The following CNBD1 variants were observed in gnomAD, a reference collection of about 807,000 sequenced individuals.
CNBD1 encodes cyclic nucleotide binding domain containing 1, also known as cyclic nucleotide-binding domain-containing protein 1.
In CNBD1, 71 loss-of-function variants were observed where a neutral mutation model predicts 54.4. The ratio of observed to expected loss-of-function variants is 1.30; its 90% CI spans 1.08 to 1.59. The LOEUF is 1.59. Ranked by LOEUF, CNBD1 falls within the 40% of genes most tolerant of loss-of-function variation. The pLI is 0.00. For missense variants in CNBD1, 659 were observed against 518.0 expected, an observed-to-expected ratio of 1.27 and a Z score of -2.64; for synonymous variants, 182 against 170.7, an observed-to-expected ratio of 1.07 and a Z score of -0.51.
chr8:87,239,099 G>A (rs946268488), intron 6 of CNBD1, among the ~76,000 whole-genome samples: 1 of 152,100 alleles, frequency 6.6e-6, no homozygotes, highest in Admixed American at 6.5e-5. Context: ...CTGGCTGGCA[G>A]GCAGTTAAGC....
chr8:87,385,515 C>T (rs1811164726), downstream of CNBD1, among the ~76,000 whole-genome samples: 1 of 152,048 alleles, frequency 6.6e-6, no homozygotes, highest in African/African-American at 2.4e-5. Context: ...GATCCTTGCT[C>T]ATTGCTAGCA....
At chr8:87,367,025 C>T (rs1201280578) in intron 10 of CNBD1, among the ~76,000 whole-genome samples, 2 of 151,980 alleles carry the variant, frequency 1.3e-5, no homozygotes, top group Non-Finnish European at 1.5e-5. Flanking sequence ...CCAGAGATAA[C>T]TTCAGATTTC....
At chr8:87,117,887 A>G (rs187596961) in intron 4 of CNBD1, among the ~76,000 whole-genome samples, 1 of 152,338 alleles carries the variant, frequency 6.6e-6, no homozygotes, top group Admixed American at 6.5e-5. Context: ...TTGAGGACCT[A>G]CCATGTAATA....
chr8:87,384,664 G>A (rs1274537468), downstream of CNBD1, among the ~76,000 whole-genome samples: 2 of 152,150 alleles, frequency 1.3e-5, no homozygotes, highest in African/African-American at 2.4e-5. Context: ...TTAAATAAAT[G>A]TATGTTTTTT....
At chr8:87,138,044 T>G (rs1812295018) in intron 4 of CNBD1, among the ~76,000 whole-genome samples, 1 of 152,162 alleles carries the variant, frequency 6.6e-6, no homozygotes, top group Non-Finnish European at 1.5e-5. Flanking sequence ...ATTCGGATTA[T>G]TTCTTAAAAT....
At chr8:87,079,044 A>G (rs1810933166) in intron 4 of CNBD1, among the ~76,000 whole-genome samples, 1 of 144,182 alleles carries the variant, frequency 6.9e-6, no homozygotes, top group Admixed American at 6.8e-5. Flanking sequence ...CCAGGAAACT[A>G]CCAATTTTTT....
At chr8:87,336,201 T>C (rs1044914351) in intron 8 of CNBD1, among the ~76,000 whole-genome samples, 4 of 152,164 alleles carry the variant, frequency 2.6e-5, no homozygotes, top group Admixed American at 6.5e-5. Context: ...ATGGAGTGTC[T>C]TAGTGGAGTT....
At chr8:87,299,349 A>G (rs1477267523) in intron 8 of CNBD1, among the ~76,000 whole-genome samples, 2 of 151,990 alleles carry the variant, frequency 1.3e-5, no homozygotes, top group Non-Finnish European at 2.9e-5. Context: ...CGGTTTGTAG[A>G]TTTTCCTTCA....
intron 6 of CNBD1, among the ~76,000 whole-genome samples, chr8:87,252,941 G>A (rs1456450552): frequency 5.3e-5 from 8 of 152,056 alleles, no homozygotes; most frequent in Admixed American, 1.3e-4. Flanking sequence ...GGGCACATAC[G>A]TTTACTGCAA....
At position 87,122,162 on chromosome 8, in the gene CNBD1, C is replaced by A. The variant is rs533218028; in HGVS notation, c.432-83831C>A. On this transcript the variant is annotated intron_variant, in intron 4 of 10. Transcript: ENST00000518476. ...CTCCATACCATTTTTCATAACATTTCTTTTAATTTACATTCCCACCAACAG... is the reference window on the plus strand; with the variant it reads ...CTCCATACCATTTTTCATAACATTTATTTTAATTTACATTCCCACCAACAG... Among the ~76,000 whole-genome samples the A allele has an allele frequency of 7.9e-5, 12 of 151,802 alleles. No individual in the cohort carries two copies. In the South Asian group the frequency reaches 2.5e-3, roughly 31 times the overall value.
At chr8:86,970,187 A>G (rs1036748252) in intron 4 of CNBD1, among the ~76,000 whole-genome samples, 2 of 152,090 alleles carry the variant, frequency 1.3e-5, no homozygotes, top group Non-Finnish European at 2.9e-5. Context: ...AACCTAGCTC[A>G]TTTTTAACCC....
rs1210539048 is a variant in CNBD1 at position 87,382,706 on chromosome 8, C to G, written c.*79C>G. The G allele has an allele frequency of 1.7e-5, 18 of 1,087,584 alleles. No homozygotes were observed. The highest frequency in any genetic ancestry group is 1.3e-5 in the Non-Finnish European group (10 of 744,056). The allele number at this position is 1,087,584 out of a possible 1,614,324, so 67.4% of individuals were successfully genotyped here. Reference sequence around the variant, plus strand: ...GAATAATTGCATTCTGGAATACTATCAAACTACCAGCAATGAATTTGGTCT... The same window carrying G: ...GAATAATTGCATTCTGGAATACTATGAAACTACCAGCAATGAATTTGGTCT... On this transcript the variant is annotated 3_prime_UTR_variant, in exon 11 of 11. Coordinates refer to ENST00000518476, the MANE Select transcript of CNBD1 (RefSeq NM_173538.3).
chr8:86,995,283 G>A (rs1398234148), intron 4 of CNBD1, among the ~76,000 whole-genome samples: 3 of 152,180 alleles, frequency 2.0e-5, no homozygotes, highest in African/African-American at 7.2e-5. Flanking sequence ...TGAACCAGGG[G>A]CAGGCATGCT....
chr8:87,397,787 G>A (rs746634744), intron 2 of CNBD1, among the ~76,000 whole-genome samples: 6 of 151,938 alleles, frequency 3.9e-5, no homozygotes, highest in Admixed American at 6.6e-5. Flanking sequence ...CCCTTGTGTT[G>A]TGGGAGGGAC....
At chr8:87,131,542 T>A (rs111296868) in intron 4 of CNBD1, among the ~76,000 whole-genome samples, 1,883 of 152,166 alleles carry the variant, frequency 0.012, 26 homozygotes, top group South Asian at 0.016. Context: ...CTTTTCTCAT[T>A]AAGCATTTAA....
chr8:87,411,399 T>TATATATATATATATA lies in CNBD1; in HGVS notation c.214-17146_214-17132dup, dbSNP rs1357712951. Among the ~76,000 whole-genome samples, 29 of 127,586 alleles carry TATATATATATATATA rather than the reference T, an allele frequency of 2.3e-4. 1 individual carries two copies. Among genetic ancestry groups the TATATATATATATATA allele is most frequent in the African/African-American group, 9.1e-4 (29 of 31,714 alleles). The allele number at this position is 127,586 out of a possible 152,430, so 83.7% of individuals were successfully genotyped here. A position where few individuals can be genotyped will look rare whatever the true frequency, so the allele number is the denominator to read the frequency against. On this transcript the variant is annotated intron_variant, in intron 2 of 7. Coordinates refer to the CNBD1 transcript ENST00000521593. ...AGGCAGGATTAACCTAGCTATATCA[T>TATATATATATATATA]ATATATATATATATATATATATATA...
chr8:87,239,515 A>T (rs1215761749), intron 6 of CNBD1, among the ~76,000 whole-genome samples: 1 of 152,174 alleles, frequency 6.6e-6, no homozygotes, highest in South Asian at 2.1e-4. Context: ...TTATAAAAAA[A>T]CATTATTTGC....
chr8:87,403,675 T>C lies in CNBD1; in HGVS notation c.214-24871T>C, dbSNP rs1484957231. On this transcript the variant is annotated intron_variant, in intron 2 of 7. Transcript: ENST00000521593. Reference sequence around the variant, plus strand: ...AGGGAAGTAGCTTTTTTAAAAAAATTATTATTGTAATTATATTTACGACAA... The same window carrying C: ...AGGGAAGTAGCTTTTTTAAAAAAATCATTATTGTAATTATATTTACGACAA... Among the ~76,000 whole-genome samples the C allele has an allele frequency of 2.0e-5, 3 of 151,998 alleles. No individual in the cohort carries two copies. In the East Asian group the frequency reaches 5.8e-4, roughly 29 times the overall value.
intron 5 of CNBD1, among the ~76,000 whole-genome samples, chr8:87,220,370 C>A (rs1037063933): frequency 1.3e-5 from 2 of 151,940 alleles, no homozygotes; most frequent in Non-Finnish European, 2.9e-5. Flanking sequence ...TTAGGGAGAG[C>A]AAGTCCAGAA....
Sources: allele counts gnomAD v4.1 joint callset (sites outside exome capture counted in the v4.1 genomes callset), GRCh38; gene constraint gnomAD v4.1.1; transcripts MANE v1.5; gene names NCBI Gene and HGNC (gene_info 2026-07-23, HGNC 2026-07-21).